TBC1D5: variants seen among roughly 807,000 people sequenced by gnomAD.
The protein encoded by TBC1D5 is TBC1 domain family, member 5.
In TBC1D5, 75 loss-of-function variants were observed where a neutral mutation model predicts 100.3. That is an observed-to-expected ratio of 0.75 (90% CI 0.62 to 0.91). The LOEUF is 0.91. Among genes scored for constraint, TBC1D5 ranks in the 40% least tolerant of loss-of-function variants. TBC1D5 has a pLI of 0.00. For synonymous variants in TBC1D5, 323 were observed against 325.6 expected (o/e 0.99, Z 0.09); for missense variants, 910 against 942.4 (o/e 0.97, Z 0.45).
intron 1 of TBC1D5, among the ~76,000 whole-genome samples, chr3:17,645,290 G>C (rs556062879): frequency 2.0e-5 from 3 of 152,208 alleles, no homozygotes; most frequent in Admixed American, 2.0e-4. Flanking sequence ...GGGAGATACA[G>C]AGGAGAGTAG....
chr3:17,528,465 A>T (rs1056995191), intron 2 of TBC1D5, among the ~76,000 whole-genome samples: 2 of 152,214 alleles, frequency 1.3e-5, no homozygotes, highest in African/African-American at 2.4e-5. Context: ...ACCTGCTCTC[A>T]TCTTGATCTT....
chr3:17,491,189 T>C (rs2095635659), intron 3 of TBC1D5, among the ~76,000 whole-genome samples: 1 of 152,210 alleles, frequency 6.6e-6, no homozygotes, highest in African/African-American at 2.4e-5. Context: ...AAGTCAGTTA[T>C]CAGCTTAAAA....
chr3:17,348,040 C>A (rs991945284), intron 13 of TBC1D5, among the ~76,000 whole-genome samples: 9 of 152,104 alleles, frequency 5.9e-5, no homozygotes, highest in African/African-American at 1.9e-4. Flanking sequence ...GGAGCCCCCC[C>A]ACCTCATACT....
At chr3:17,181,027 T>TC (rs1220613564) in intron 19 of TBC1D5, among the ~76,000 whole-genome samples, 11 of 151,940 alleles carry the variant, frequency 7.2e-5, no homozygotes, top group Admixed American at 7.2e-4. Context: ...GAGAAGTAAC[T>TC]CCTAGAGTAA....
chr3:17,255,728 G>A (rs1407833450), intron 16 of TBC1D5, among the ~76,000 whole-genome samples: 1 of 151,892 alleles, frequency 6.6e-6, no homozygotes, highest in Non-Finnish European at 1.5e-5. Context: ...ATTATTATTT[G>A]TCAATTAAAA....
chr3:17,422,248 A>G (rs909807561), intron 4 of TBC1D5, among the ~76,000 whole-genome samples: 5 of 152,094 alleles, frequency 3.3e-5, no homozygotes, highest in African/African-American at 1.2e-4. Flanking sequence ...GGCTCACTGC[A>G]ACCTCCGCCT....
At chr3:17,235,590 T>C (rs1299768550) in intron 17 of TBC1D5, among the ~76,000 whole-genome samples, 1 of 152,164 alleles carries the variant, frequency 6.6e-6, no homozygotes, top group African/African-American at 2.4e-5. Flanking sequence ...AAAGAACCAA[T>C]GTTGGAGAAG....
chr3:17,600,226 T>C (rs901908104), intron 2 of TBC1D5, among the ~76,000 whole-genome samples: 4 of 152,296 alleles, frequency 2.6e-5, no homozygotes, highest in African/African-American at 9.6e-5. Flanking sequence ...TGTTATGTTA[T>C]GTTATGTTAT....
chr3:17,256,740 C>T (rs552501942), intron 16 of TBC1D5, among the ~76,000 whole-genome samples: 12 of 152,008 alleles, frequency 7.9e-5, no homozygotes, highest in Non-Finnish European at 1.0e-4. Context: ...TTAGTGGAGA[C>T]GTTGGGGAGA....
At chr3:17,573,780 A>G (rs2096641202) in intron 2 of TBC1D5, among the ~76,000 whole-genome samples, 1 of 151,966 alleles carries the variant, frequency 6.6e-6, no homozygotes, top group Non-Finnish European at 1.5e-5. Flanking sequence ...CCAACCTCCA[A>G]GCTGGTTTAA....
At chr3:17,659,287 G>C (rs115362963) in intron 1 of TBC1D5, among the ~76,000 whole-genome samples, 462 of 152,266 alleles carry the variant, frequency 3.0e-3, no homozygotes, top group African/African-American at 0.011. Context: ...AAGTCAAGGT[G>C]CTGAATAATA....
chr3:17,540,881 T>C (rs1298518874), intron 2 of TBC1D5, among the ~76,000 whole-genome samples: 8 of 117,950 alleles, frequency 6.8e-5, no homozygotes, highest in Non-Finnish European at 3.2e-5. Flanking sequence ...CACACCAGCC[T>C]GGCGACAGAG....
chr3:17,700,505 T>C (rs1170154076), intron 1 of TBC1D5, among the ~76,000 whole-genome samples: 3 of 152,142 alleles, frequency 2.0e-5, no homozygotes, highest in South Asian at 2.1e-4. Flanking sequence ...AAAGAGTTTC[T>C]GCACAGCAAA....
At chr3:17,544,774 T>C (rs1026943553) in intron 2 of TBC1D5, among the ~76,000 whole-genome samples, 3 of 152,100 alleles carry the variant, frequency 2.0e-5, no homozygotes, top group African/African-American at 4.8e-5. Context: ...TATAATATTA[T>C]TTTCTTTTCA....
At chr3:17,544,794 T>C (rs1334988251) in intron 2 of TBC1D5, among the ~76,000 whole-genome samples, 1 of 152,162 alleles carries the variant, frequency 6.6e-6, no homozygotes, top group Non-Finnish European at 1.5e-5. Context: ...AAATGTAGCC[T>C]CCTATCTCCT....
intron 17 of TBC1D5, among the ~76,000 whole-genome samples, chr3:17,223,771 T>C (rs1193563156): frequency 2.0e-5 from 3 of 151,934 alleles, no homozygotes; most frequent in Middle Eastern, 3.2e-3. Context: ...GTCAGGAGAA[T>C]CACTTGAACC....
At chr3:17,234,934 A>T (rs2075740345) in intron 17 of TBC1D5, among the ~76,000 whole-genome samples, 2 of 152,282 alleles carry the variant, frequency 1.3e-5, no homozygotes, top group South Asian at 4.1e-4. Context: ...ATAAATAGGA[A>T]CATACCACAA....
At chr3:17,176,650 G>C (rs925606786) in intron 19 of TBC1D5, among the ~76,000 whole-genome samples, 1 of 152,030 alleles carries the variant, frequency 6.6e-6, no homozygotes, top group African/African-American at 2.4e-5. Flanking sequence ...GGGCCTGTTG[G>C]AGGGTGAGGG....
chr3:17,281,105 G>A (rs910345467), intron 15 of TBC1D5, among the ~76,000 whole-genome samples: 3 of 152,330 alleles, frequency 2.0e-5, no homozygotes, highest in East Asian at 3.9e-4. Flanking sequence ...GTTCCCACCC[G>A]TGAAGGGGTC....
Sources: allele counts gnomAD v4.1 joint callset (sites outside exome capture counted in the v4.1 genomes callset), GRCh38; gene constraint gnomAD v4.1.1; transcripts MANE v1.5; gene names NCBI Gene and HGNC (gene_info 2026-07-23, HGNC 2026-07-21).